Variants in RCHY1 observed in about 807,000 individuals in gnomAD.
RCHY1 encodes ring finger and CHY zinc finger domain containing 1, also known as RING finger and CHY zinc finger domain-containing protein 1.
A neutral mutation model predicts 41.6 loss-of-function variants in RCHY1; 21 were observed. The observed-to-expected ratio is 0.51, with a 90% confidence interval of 0.36 to 0.73. The LOEUF is 0.73. RCHY1 is among the 30% of genes least tolerant of loss of function. The pLI is 0.00. For missense variants in RCHY1, 265 were observed against 325.3 expected, an observed-to-expected ratio of 0.81 and a Z score of 1.43; for synonymous variants, 79 against 102.9, an observed-to-expected ratio of 0.77 and a Z score of 1.41.
In RCHY1 at chr4:75,479,276, A is replaced by G. The variant is rs1353792701; in HGVS notation, c.*3262T>C. On this transcript the variant is annotated 3_prime_UTR_variant, in exon 9 of 9. Coordinates refer to ENST00000324439, the MANE Select transcript of RCHY1 (RefSeq NM_015436.4). Reference sequence around the variant, plus strand: ...ACACAATTATCAATTAAATTTTAATAACACAAAGGACAAAAGAAAAAGTGG... The same window carrying G: ...ACACAATTATCAATTAAATTTTAATGACACAAAGGACAAAAGAAAAAGTGG... 1.0e-5 allele frequency: 1 copy of G among 98,858 alleles called. No homozygotes were observed. Among genetic ancestry groups the G allele is most frequent in the African/African-American group, 5.5e-5 (1 of 18,068 alleles). 6.1% of individuals were successfully genotyped at this position (98,858 alleles called of 1,614,324 possible).
In RCHY1 at chr4:75,482,552, G is replaced by C. The variant is rs1721603632; in HGVS notation, c.772C>G (p.Leu258Val). Reference sequence around the variant, plus strand: ...GTGTAGGCTCGTCATTGCTGATCCAGTGAAATTCTACGTCCTCCAGCTTGA... The same window carrying C: ...GTGTAGGCTCGTCATTGCTGATCCACTGAAATTCTACGTCCTCCAGCTTGA... ...TAQAGGRRIS[L>V]DQQ Residue 258 changes from leucine to valine, a missense_variant, in exon 9 of 9, where the codon CTG (leucine) becomes GTG (valine). Transcript: ENST00000324439. 1.2e-6 allele frequency: 2 copies of C among 1,604,728 alleles called. No individual in the cohort carries two copies. Among genetic ancestry groups the C allele is most frequent in the Non-Finnish European group, 1.7e-6 (2 of 1,175,172 alleles).
At chr4:75,494,037 A>T in intron 4 of RCHY1, 64 bp downstream of exon 4, 1 of 926,824 alleles carries the variant, frequency 1.1e-6, no homozygotes, top group Non-Finnish European at 1.6e-6. Flanking sequence ...AAAACATATT[A>T]GAAGTTAAGC....
Position 75,482,793 on chromosome 4 carries a change from A to T in RCHY1, c.658-127T>A, listed in dbSNP as rs1578199993. ...ACATACATAAGTCTAAAAATTTCCA[A>T]AAGTAGAAATTTCTTCTTATTTTTT... is the stretch of plus-strand genomic sequence containing the variant. On this transcript the variant is annotated intron_variant, in intron 8 of 8. Transcript: ENST00000324439. The T allele has an allele frequency of 1.2e-5, 7 of 595,432 alleles. No homozygotes were observed. In the East Asian group the frequency reaches 2.5e-4, roughly 21 times the overall value. 36.9% of individuals were successfully genotyped at this position (595,432 alleles called of 1,614,324 possible).
chr4:75,500,044 G>A (rs1303892338), intron 3 of RCHY1, among the ~76,000 whole-genome samples: 1 of 152,170 alleles, frequency 6.6e-6, no homozygotes, highest in Admixed American at 6.5e-5. Context: ...AGGAGGCTGA[G>A]GTGGGAGGAT....
At chr4:75,484,445 C>A (rs143329952) in intron 8 of RCHY1, among the ~76,000 whole-genome samples, 4 of 152,166 alleles carry the variant, frequency 2.6e-5, no homozygotes, top group African/African-American at 9.6e-5. Flanking sequence ...GGCAGAAGCA[C>A]AGTAAATGGC....
At chr4:75,483,265 AG>A (rs1721677400) in intron 8 of RCHY1, among the ~76,000 whole-genome samples, 2 of 152,210 alleles carry the variant, frequency 1.3e-5, no homozygotes, top group Non-Finnish European at 2.9e-5. Flanking sequence ...AAAATAACAA[AG>A]GTGTTAACCT....
In RCHY1 at chr4:75,514,275, C is replaced by G; in HGVS notation, c.12G>C (p.Thr4=). 1 of 1,612,440 alleles carries G rather than the reference C, an allele frequency of 6.2e-7. No homozygotes were observed. The highest frequency in any genetic ancestry group is 8.5e-7 in the Non-Finnish European group (1 of 1,178,658). The change falls in exon 1 of 9, where the codon ACG becomes ACC. Residue 4 remains threonine (T), a synonymous_variant. Coordinates refer to ENST00000324439, the MANE Select transcript of RCHY1 (RefSeq NM_015436.4). Reference sequence around the variant, plus strand: ...GACCGCTGGCGCCATCTTCCCGGGCCGTCGCCGCCATCTCCTCCACCTCCC... The same window carrying G: ...GACCGCTGGCGCCATCTTCCCGGGCGGTCGCCGCCATCTCCTCCACCTCCC... The part of the protein sequence containing the change: MAA[T]AREDGASGQE...
rs750517898 is a variant in RCHY1, at chr4:75,487,655, AAT to A, written c.657+2924_657+2925del. Among the ~76,000 whole-genome samples, 195 of 30,954 alleles carry A rather than the reference AAT, an allele frequency of 6.3e-3. 18 individuals are homozygous for A. Among genetic ancestry groups the A allele is most frequent in the African/African-American group, 0.01 (61 of 6,094 alleles). The allele number at this position is 30,954 out of a possible 152,430, so 20.3% of individuals were successfully genotyped here. ...AATATATATATTCATATATATTCAT[AAT>A]ATATATATTCATATATATTCATAAT... On this transcript the variant is annotated intron_variant, in intron 8 of 8. Transcript: ENST00000324439.
upstream of RCHY1, chr4:75,514,478 C>T (rs1022967862): frequency 8.9e-6 from 5 of 561,782 alleles, no homozygotes; most frequent in African/African-American, 3.7e-5. Context: ...AAGGCAGACG[C>T]AGTCTCCGTC....
chr4:75,502,868 A>G (rs1440216239), intron 3 of RCHY1, among the ~76,000 whole-genome samples: 1 of 152,180 alleles, frequency 6.6e-6, no homozygotes, highest in East Asian at 1.9e-4. Context: ...TGTACTGCTC[A>G]AAGTATTACA....
chr4:75,502,123 A>G (rs990006098), intron 3 of RCHY1, among the ~76,000 whole-genome samples: 2 of 152,184 alleles, frequency 1.3e-5, no homozygotes, highest in African/African-American at 4.8e-5. Flanking sequence ...AGCATTTAAC[A>G]AAGCTTTTAT....
intron 3 of RCHY1, among the ~76,000 whole-genome samples, chr4:75,505,416 A>G (rs1724203571): frequency 6.6e-6 from 1 of 152,238 alleles, no homozygotes; most frequent in Non-Finnish European, 1.5e-5. Flanking sequence ...TTTACCATGT[A>G]GCATGAGATG....
chr4:75,514,088 T>C (rs1725268700), intron 1 of RCHY1, 109 bp downstream of exon 1: 2 of 1,504,838 alleles, frequency 1.3e-6, no homozygotes, highest in Non-Finnish European at 9.0e-7. Context: ...AAAGGTATCC[T>C]GAAAATCAGG....
Position 75,514,259 on chromosome 4 carries a change from C to T in RCHY1, c.28G>A (p.Ala10Thr). The T allele has an allele frequency of 1.2e-6, 2 of 1,612,810 alleles. No homozygotes were observed. Among genetic ancestry groups the T allele is most frequent in the Middle Eastern group, 1.7e-4 (1 of 6,024 alleles). Residue 10 changes from alanine (A) to threonine (T), a missense_variant, in exon 1 of 9, where the codon GCC (alanine) becomes ACC (threonine). Coordinates refer to ENST00000324439, the MANE Select transcript of RCHY1 (RefSeq NM_015436.4). ...CGCTGACCTCGCTCTTGACCGCTGG[C>T]GCCATCTTCCCGGGCCGTCGCCGCC... MAATAREDG[A>T]SGQERGQRGC... is the part of the protein sequence containing the mutation.
intron 1 of RCHY1, chr4:75,513,957 G>A (rs1725246294): frequency 6.3e-6 from 3 of 478,424 alleles, no homozygotes; most frequent in Non-Finnish European, 1.1e-5. Flanking sequence ...AGAGACCACT[G>A]TGCAAGCCTA....
intron 3 of RCHY1, among the ~76,000 whole-genome samples, chr4:75,502,323 G>A (rs564400240): frequency 6.6e-6 from 1 of 152,142 alleles, no homozygotes; most frequent in South Asian, 2.1e-4. Context: ...GGTGGATCAC[G>A]AGGTCAGGAG....
At chr4:75,510,786 C>A (rs1724787576) in intron 1 of RCHY1, among the ~76,000 whole-genome samples, 1 of 152,052 alleles carries the variant, frequency 6.6e-6, no homozygotes, top group South Asian at 2.1e-4. Flanking sequence ...TTAAAAGTAA[C>A]AAACTCATTA....
chr4:75,491,713 T>G lies in RCHY1; in HGVS notation c.509+11A>C. 6.2e-7 allele frequency: 1 copy of G among 1,610,878 alleles called. No homozygotes were observed. The highest frequency in any genetic ancestry group is 1.3e-5 in the African/African-American group (1 of 74,940). On this transcript the variant is annotated intron_variant, in intron 6 of 8. Coordinates refer to ENST00000324439, the MANE Select transcript of RCHY1 (RefSeq NM_015436.4). Reference sequence around the variant, plus strand: ...TTTTCAAACATCATTGAGAAAAAGATGTTACTTTACCTATGTAAAAGATGT... The same window carrying G: ...TTTTCAAACATCATTGAGAAAAAGAGGTTACTTTACCTATGTAAAAGATGT...
rs1307818031 is a variant in RCHY1 at position 75,480,681 on chromosome 4, G to C, written c.*1857C>G. On this transcript the variant is annotated 3_prime_UTR_variant, in exon 9 of 9. Coordinates refer to ENST00000324439, the MANE Select transcript of RCHY1 (RefSeq NM_015436.4). ...AATGATTAAAAACAATAACATGATT[G>C]GTTTGGCAGAATAATACCAAACATA... 4 of 152,130 alleles carry C rather than the reference G, an allele frequency of 2.6e-5. No homozygotes were observed. Among genetic ancestry groups the C allele is most frequent in the African/African-American group, 9.7e-5 (4 of 41,422 alleles). 9.4% of individuals were successfully genotyped at this position (152,130 alleles called of 1,614,324 possible). A position where few individuals can be genotyped will look rare whatever the true frequency, so the allele number is the denominator to read the frequency against.
Sources: gnomAD v4.1 joint callset for allele counts (sites outside exome capture counted in the v4.1 genomes callset) on GRCh38, gnomAD v4.1.1 for gene constraint, MANE v1.5 for transcripts, NCBI Gene and HGNC (gene_info 2026-07-23, HGNC 2026-07-21) for gene names.